SHE: variants seen among roughly 807,000 people sequenced by gnomAD.
The protein encoded by SHE is Src homology 2 domain containing E.
A neutral mutation model predicts 49.8 loss-of-function variants in SHE; 11 were observed. That is an observed-to-expected ratio of 0.22 (90% CI 0.14 to 0.37). The LOEUF is 0.37. SHE is among the 10% of genes least tolerant of loss of function. The pLI is 1.00. For missense variants in SHE, 624 were observed against 655.5 expected (o/e 0.95, Z 0.52); for synonymous variants, 310 against 278.1 (o/e 1.11, Z -1.14).
downstream of SHE, among the ~76,000 whole-genome samples, chr1:154,478,097 G>T (rs944884865): frequency 6.6e-6 from 1 of 152,056 alleles, no homozygotes; most frequent in African/African-American, 2.4e-5. Context: ...TCTGTGTCAG[G>T]ATTCCCTTCC....
Position 154,501,790 on chromosome 1 carries a change from G to T in SHE, c.237C>A (p.Gly79=). The change falls in exon 1 of 6, where the codon GGC becomes GGA. Residue 79 remains glycine, a synonymous_variant. Coordinates refer to ENST00000304760, the MANE Select transcript of SHE (RefSeq NM_001010846.3). ...SEAGGAGPGP[G]KGRKNSAAEL... ...CGGCCGCCGAGTTCTTGCGGCCCTTGCCAGGACCCGGCCCAGCGCCGCCCG... is the reference window on the plus strand; with the variant it reads ...CGGCCGCCGAGTTCTTGCGGCCCTTTCCAGGACCCGGCCCAGCGCCGCCCG... 2 of 1,559,084 alleles carry T rather than the reference G, an allele frequency of 1.3e-6. No homozygotes were observed. Among genetic ancestry groups the T allele is most frequent in the Non-Finnish European group, 1.7e-6 (2 of 1,159,664 alleles).
intron 2 of SHE, 74 bp from the exon 3 acceptor site, chr1:154,489,430 C>G: frequency 6.5e-7 from 1 of 1,540,648 alleles, no homozygotes. Context: ...CCATAAAAGC[C>G]TGGTCATTAA....
At chr1:154,498,339 G>A (rs950535265) in intron 2 of SHE, among the ~76,000 whole-genome samples, 59 of 150,394 alleles carry the variant, frequency 3.9e-4, no homozygotes, top group African/African-American at 1.4e-3. Flanking sequence ...CAGGTGATCC[G>A]CCCACCTTGA....
At chr1:154,478,532 G>A (rs146681908), downstream of SHE, among the ~76,000 whole-genome samples, 94 of 150,900 alleles carry the variant, frequency 6.2e-4, no homozygotes, top group East Asian at 0.017. Flanking sequence ...ATCATTCTAA[G>A]CACCCGTGTT....
rs57088171 is a variant in SHE at position 154,496,762 on chromosome 1, A to C, written c.718+2350T>G. Among the ~76,000 whole-genome samples the C allele has an allele frequency of 4.7e-5, 7 of 149,290 alleles. No homozygotes were observed. The East Asian group carries it at 6.0e-4, about 13-fold the overall frequency. On this transcript the variant is annotated intron_variant, in intron 2 of 5. Coordinates refer to ENST00000304760, the MANE Select transcript of SHE (RefSeq NM_001010846.3). ...TTGTGGGAATTACATGAAAAAAAAA[A>C]CAAAAAAACCCCCCAAAATTATATT...
chr1:154,476,291 A>G (rs1382601135), downstream of SHE, among the ~76,000 whole-genome samples: 1 of 152,152 alleles, frequency 6.6e-6, no homozygotes, highest in Non-Finnish European at 1.5e-5. Flanking sequence ...GGTTGTGGTG[A>G]GCCATGATAA....
intron 2 of SHE, among the ~76,000 whole-genome samples, chr1:154,497,425 T>A (rs896624877): frequency 2.0e-5 from 3 of 152,256 alleles, no homozygotes; most frequent in Admixed American, 1.3e-4. Flanking sequence ...TTTCTCATTA[T>A]GGATGGAAGA....
At position 154,489,330 on chromosome 1, in the gene SHE, G is replaced by C. The variant is rs1416981783; in HGVS notation, c.745C>G (p.Pro249Ala). ...AGCAGCTGGAGAGCCTTCACCAGGG[G>C]ATCTTTGGAACCCCGTCGTCTAATT... ...TEIRRRGSKD[P>A]LVKALQLLDS... The change falls in exon 3 of 6, where the codon CCC (proline) becomes GCC (alanine). Residue 249 changes from proline (P) to alanine (A), a missense_variant. Physicochemically the swap from Pro to Ala is conservative, Grantham distance 27. Coordinates refer to ENST00000304760, the MANE Select transcript of SHE (RefSeq NM_001010846.3). 11 of 1,613,584 alleles carry C rather than the reference G, an allele frequency of 6.8e-6. No homozygotes were observed. Among genetic ancestry groups the C allele is most frequent in the Non-Finnish European group, 9.3e-6 (11 of 1,179,740 alleles).
At chr1:154,472,627 C>T (rs1026162059) in intron 1 of SHE, among the ~76,000 whole-genome samples, 4 of 152,160 alleles carry the variant, frequency 2.6e-5, no homozygotes, top group African/African-American at 7.2e-5. Context: ...ACCTTTGACC[C>T]GGGCAATCAC....
downstream of SHE, among the ~76,000 whole-genome samples, chr1:154,475,939 G>A (rs1691867393): frequency 6.6e-6 from 1 of 152,198 alleles, no homozygotes; most frequent in Non-Finnish European, 1.5e-5. Context: ...TGGGATTACA[G>A]GCATGAGCCA....
intron 3 of SHE, among the ~76,000 whole-genome samples, chr1:154,487,077 T>C (rs1692202773): frequency 6.6e-6 from 1 of 152,114 alleles, no homozygotes; most frequent in East Asian, 1.9e-4. Flanking sequence ...ATCAAGACCA[T>C]CCTGGCTAAC....
intron 1 of SHE, among the ~76,000 whole-genome samples, chr1:154,471,192 G>GA (rs1027429851): frequency 5.9e-5 from 9 of 152,056 alleles, no homozygotes; most frequent in African/African-American, 2.2e-4. Flanking sequence ...TGTCTTTATG[G>GA]AAGTTCCCAT....
At chr1:154,470,435 G>A in intron 1 of SHE, 1 of 1,257,308 alleles carries the variant, frequency 8.0e-7, no homozygotes. Context: ...ATTTACTGAG[G>A]CACAGGGCAA....
chr1:154,496,738 T>C (rs982769079), intron 2 of SHE, among the ~76,000 whole-genome samples: 3 of 147,262 alleles, frequency 2.0e-5, no homozygotes, highest in Admixed American at 7.2e-5. Flanking sequence ...ATAGAGCTCT[T>C]GTGGGAATTA....
intron 2 of SHE, among the ~76,000 whole-genome samples, chr1:154,490,609 G>A (rs939396454): frequency 5.3e-5 from 8 of 152,148 alleles, no homozygotes; most frequent in African/African-American, 1.9e-4. Flanking sequence ...AACGATAGAG[G>A]GCTTGTTCCA....
At chr1:154,479,167 G>A (rs990517642), downstream of SHE, among the ~76,000 whole-genome samples, 2 of 152,090 alleles carry the variant, frequency 1.3e-5, no homozygotes, top group Non-Finnish European at 2.9e-5. Context: ...CAGAAGCAGA[G>A]CCCAAATCTT....
chr1:154,489,100 G>A lies in SHE; in HGVS notation c.975C>T (p.Tyr325=), dbSNP rs140972919. 7 of 1,611,576 alleles carry A rather than the reference G, an allele frequency of 4.3e-6. No individual in the cohort carries two copies. The highest frequency in any genetic ancestry group is 1.7e-5 in the Admixed American group (1 of 59,828). Residue 325 remains tyrosine (Y), a synonymous_variant, in exon 3 of 6, where the codon TAC becomes TAT. Coordinates refer to ENST00000304760, the MANE Select transcript of SHE (RefSeq NM_001010846.3). ...CCTTCTTCCACTCCCATGGCTGCTC[G>A]TACTCTGCCGCGGGCCTCTCGTCGT... ...PENDERPAAE[Y]EQPWEWKKEQ...
intron 2 of SHE, among the ~76,000 whole-genome samples, chr1:154,492,565 G>C (rs1050718416): frequency 1.3e-5 from 2 of 152,202 alleles, no homozygotes; most frequent in Non-Finnish European, 2.9e-5. Context: ...CATCTCCTGA[G>C]TCCCTGGACT....
intron 1 of SHE, among the ~76,000 whole-genome samples, chr1:154,473,335 CATGGTGGT>C (rs1234794152): frequency 2.0e-5 from 3 of 151,804 alleles, no homozygotes; most frequent in Admixed American, 6.6e-5. Flanking sequence ...ATTAACCGAG[CATGGTGGT>C]GCATGCCTGT....
Sources: gnomAD v4.1 joint callset for allele counts (sites outside exome capture counted in the v4.1 genomes callset) on GRCh38, gnomAD v4.1.1 for gene constraint, MANE v1.5 for transcripts, NCBI Gene and HGNC (gene_info 2026-07-23, HGNC 2026-07-21) for gene names.